Variants in FGGY observed in about 807,000 individuals in gnomAD.
The protein encoded by FGGY is FGGY carbohydrate kinase domain containing.
Under a neutral mutation model 71.3 loss-of-function variants are expected in FGGY, and 72 were observed. The ratio of observed to expected loss-of-function variants is 1.01; its 90% CI spans 0.84 to 1.23. The LOEUF (loss-of-function observed/expected upper bound fraction) is 1.23, where lower values mean the gene tolerates loss of function less well. Ranked by LOEUF, FGGY falls within the 50% of genes most tolerant of loss-of-function variation. The pLI, the probability that FGGY is intolerant of heterozygous loss-of-function variation, is 0.00. For missense variants in FGGY, 668 were observed against 682.3 expected, an observed-to-expected ratio of 0.98 and a Z score of 0.23; for synonymous variants, 251 against 250.3, an observed-to-expected ratio of 1.00 and a Z score of -0.02.
At chr1:59,704,381 T>C (rs2097736368) in intron 14 of FGGY, among the ~76,000 whole-genome samples, 1 of 152,114 alleles carries the variant, frequency 6.6e-6, no homozygotes, top group Non-Finnish European at 1.5e-5. Flanking sequence ...TGTAGGAATA[T>C]ATAGAGTAAA....
chr1:59,677,779 A>G (rs994405862), intron 14 of FGGY, among the ~76,000 whole-genome samples: 3 of 152,136 alleles, frequency 2.0e-5, no homozygotes, highest in Non-Finnish European at 2.9e-5. Context: ...GATATTGCAA[A>G]TTTTGAAACA....
intron 4 of FGGY, among the ~76,000 whole-genome samples, chr1:59,368,806 A>G (rs577825849): frequency 1.3e-5 from 2 of 152,306 alleles, no homozygotes; most frequent in Non-Finnish European, 2.9e-5. Flanking sequence ...AAAAAACTGC[A>G]TGTGGCTGGG....
chr1:59,326,835 G>T (rs2047524768), intron 2 of FGGY, among the ~76,000 whole-genome samples: 1 of 152,036 alleles, frequency 6.6e-6, no homozygotes, highest in Non-Finnish European at 1.5e-5. Flanking sequence ...ACACCATAAT[G>T]AGGTGAATAT....
At chr1:59,373,803 G>T (rs975787690) in intron 4 of FGGY, among the ~76,000 whole-genome samples, 5 of 152,140 alleles carry the variant, frequency 3.3e-5, no homozygotes, top group Non-Finnish European at 5.9e-5. Flanking sequence ...ACAAGCAATG[G>T]GGAAAGGATT....
At chr1:59,385,800 CT>C (rs1177754180) in intron 5 of FGGY, among the ~76,000 whole-genome samples, 1 of 152,012 alleles carries the variant, frequency 6.6e-6, no homozygotes, top group Admixed American at 6.6e-5. Flanking sequence ...TTACTAATAA[CT>C]TTGTTTCCAA....
chr1:59,635,610 G>A (rs12067863), intron 10 of FGGY, among the ~76,000 whole-genome samples: 9 of 151,716 alleles, frequency 5.9e-5, no homozygotes, highest in African/African-American at 1.9e-4. Flanking sequence ...GTGGAAAGTC[G>A]CAAGAATTAG....
chr1:59,326,151 A>G (rs1452308744), intron 2 of FGGY, among the ~76,000 whole-genome samples: 1 of 152,240 alleles, frequency 6.6e-6, no homozygotes, highest in Non-Finnish European at 1.5e-5. Context: ...TCATTCTTTC[A>G]TTTAGTCTGC....
At chr1:59,502,430 A>C (rs939763900) in intron 6 of FGGY, among the ~76,000 whole-genome samples, 7 of 152,296 alleles carry the variant, frequency 4.6e-5, no homozygotes, top group African/African-American at 1.7e-4. Flanking sequence ...GCTAGGTGAG[A>C]ACAAAATAGG....
intron 11 of FGGY, among the ~76,000 whole-genome samples, chr1:59,650,454 C>T (rs2153931221): frequency 9.0e-6 from 1 of 110,644 alleles, no homozygotes; most frequent in Admixed American, 9.7e-5. Context: ...TTCAGAGATT[C>T]AACTTCTTCC....
intron 13 of FGGY, among the ~76,000 whole-genome samples, chr1:59,670,375 G>A (rs1445826818): frequency 6.6e-6 from 1 of 152,208 alleles, no homozygotes; most frequent in East Asian, 1.9e-4. Flanking sequence ...GACAGTTAGG[G>A]AGGACTGTAG....
intron 8 of FGGY, among the ~76,000 whole-genome samples, chr1:59,566,523 G>T (rs1053084806): frequency 9.2e-5 from 14 of 152,016 alleles, no homozygotes. Flanking sequence ...AAAGAACTCA[G>T]AAGAACCAAT....
In FGGY at chr1:59,649,243, G is replaced by T. The variant is rs1448845898; in HGVS notation, c.1221+10868G>T. Among the ~76,000 whole-genome samples the T allele has an allele frequency of 8.9e-5, 13 of 145,440 alleles. No individual in the cohort carries two copies. The East Asian group carries it at 2.4e-3, about 27-fold the overall frequency. ...GACTTGGCAATGCGGGCTCTTTTTT[G>T]GTTCCATATGAACTTTAAAGTAGTT... is the stretch of plus-strand genomic sequence containing the variant. On this transcript the variant is annotated intron_variant, in intron 11 of 15. Transcript: ENST00000303721.
At chr1:59,511,591 A>G (rs2094520043) in intron 6 of FGGY, among the ~76,000 whole-genome samples, 1 of 152,140 alleles carries the variant, frequency 6.6e-6, no homozygotes, top group African/African-American at 2.4e-5. Context: ...ACAGCCCCAC[A>G]GCACCCACAC....
chr1:59,723,339 A>G (rs1194679569), intron 14 of FGGY, among the ~76,000 whole-genome samples: 1 of 152,180 alleles, frequency 6.6e-6, no homozygotes, highest in Non-Finnish European at 1.5e-5. Flanking sequence ...ATCTATTGCC[A>G]CATGGATCAT....
chr1:59,666,938 T>A (rs1390572291), intron 12 of FGGY, among the ~76,000 whole-genome samples: 1 of 152,242 alleles, frequency 6.6e-6, no homozygotes, highest in Non-Finnish European at 1.5e-5. Context: ...ATACAGGGCC[T>A]GGGCTATAGT....
intron 5 of FGGY, among the ~76,000 whole-genome samples, chr1:59,406,897 CCTGT>C (rs1360965016): frequency 6.6e-6 from 1 of 152,096 alleles, no homozygotes; most frequent in East Asian, 1.9e-4. Flanking sequence ...GATTCTGCAA[CCTGT>C]CTTTTAACTT....
Position 59,457,086 on chromosome 1 carries a change from T to C in FGGY, c.670+10T>C. On this transcript the variant is annotated intron_variant, in intron 6 of 15. Coordinates refer to ENST00000303721, the MANE Select transcript of FGGY (RefSeq NM_018291.5). ...AATTACAGCAAAATAGGTAAAAGAATAAAACATCTGTAGAGTGATTATGTG... is the reference window on the plus strand; with the variant it reads ...AATTACAGCAAAATAGGTAAAAGAACAAAACATCTGTAGAGTGATTATGTG... 2 of 1,565,564 alleles carry C rather than the reference T, an allele frequency of 1.3e-6. No homozygotes were observed. The highest frequency in any genetic ancestry group is 4.5e-5 in the East Asian group (2 of 44,616).
intron 9 of FGGY, among the ~76,000 whole-genome samples, chr1:59,613,495 G>C (rs1250485401): frequency 6.6e-6 from 1 of 152,186 alleles, no homozygotes; most frequent in Non-Finnish European, 1.5e-5. Flanking sequence ...CACCTTCAAA[G>C]TAGTGTGTAG....
chr1:59,708,395 C>T (rs1371155153), intron 14 of FGGY, among the ~76,000 whole-genome samples: 1 of 152,160 alleles, frequency 6.6e-6, no homozygotes, highest in Non-Finnish European at 1.5e-5. Flanking sequence ...AACTGGGCTG[C>T]CTTTTGAACA....
Sources: gnomAD v4.1 joint callset for allele counts (sites outside exome capture counted in the v4.1 genomes callset) on GRCh38, gnomAD v4.1.1 for gene constraint, MANE v1.5 for transcripts, NCBI Gene and HGNC (gene_info 2026-07-23, HGNC 2026-07-21) for gene names.